Variants in CSNK2A2IP observed in about 807,000 individuals in gnomAD.
CSNK2A2IP encodes the protein casein kinase II subunit alpha'-interacting protein.
chr3:88,370,635 TTCTC>T, the CSNK2A2IP span, among the ~76,000 whole-genome samples: 2 of 147,770 alleles, frequency 1.4e-5, no homozygotes, highest in East Asian at 2.0e-4. Context: ...TTTCTTTCTT[TTCTC>T]TCTCTCTTCT....
At chr3:88,383,624 GC>G in the CSNK2A2IP span, among the ~76,000 whole-genome samples, 77 of 148,792 alleles carry the variant, frequency 5.2e-4, no homozygotes, top group Non-Finnish European at 9.1e-4. Context: ...ATTTTGAATA[GC>G]CTATGGACAC....
chr3:88,416,664 T>C, the CSNK2A2IP span, among the ~76,000 whole-genome samples: 4 of 152,172 alleles, frequency 2.6e-5, no homozygotes, highest in South Asian at 2.1e-4. Context: ...CATCCACTCA[T>C]TGTCAGAAGC....
the CSNK2A2IP span, among the ~76,000 whole-genome samples, chr3:88,429,570 C>G: frequency 1.1e-5 from 1 of 91,902 alleles, no homozygotes; most frequent in Non-Finnish European, 2.5e-5. Context: ...AGCTAAATAG[C>G]TGGCTCTCTG....
chr3:88,399,092 A>C, the CSNK2A2IP span, among the ~76,000 whole-genome samples: 1 of 152,206 alleles, frequency 6.6e-6, no homozygotes, highest in Non-Finnish European at 1.5e-5. Context: ...ACTTAATAGG[A>C]CATGAACATT....
the CSNK2A2IP span, among the ~76,000 whole-genome samples, chr3:88,385,723 GA>G: frequency 6.6e-6 from 1 of 152,192 alleles, no homozygotes; most frequent in Non-Finnish European, 1.5e-5. Flanking sequence ...GAGAGCCGTT[GA>G]AATCTGTGGC....
the CSNK2A2IP span, among the ~76,000 whole-genome samples, chr3:88,415,473 C>T: frequency 3.3e-5 from 5 of 151,748 alleles, no homozygotes; most frequent in Admixed American, 6.6e-5. Flanking sequence ...CTGATTTTGA[C>T]GTTCTTCATG....
At chr3:88,417,488 A>G in the CSNK2A2IP span, among the ~76,000 whole-genome samples, 1 of 152,150 alleles carries the variant, frequency 6.6e-6, no homozygotes, top group Non-Finnish European at 1.5e-5. Context: ...TGAATGTTTG[A>G]CACTCCCTTC....
the CSNK2A2IP span, among the ~76,000 whole-genome samples, chr3:88,437,177 A>G: frequency 6.6e-6 from 1 of 152,156 alleles, no homozygotes; most frequent in Non-Finnish European, 1.5e-5. Context: ...AGTTTTTCAC[A>G]CTTATGTACA....
the CSNK2A2IP span, among the ~76,000 whole-genome samples, chr3:88,459,062 G>C: frequency 3.3e-5 from 5 of 152,070 alleles, no homozygotes; most frequent in South Asian, 6.2e-4. Context: ...TAATGAAAAA[G>C]AGTTATTGCA....
chr3:88,391,670 G>C, the CSNK2A2IP span, among the ~76,000 whole-genome samples: 1 of 152,162 alleles, frequency 6.6e-6, no homozygotes, highest in Admixed American at 6.5e-5. Flanking sequence ...CCAAGAACCA[G>C]AGGCAAGAAA....
the CSNK2A2IP span, among the ~76,000 whole-genome samples, chr3:88,365,542 G>A: frequency 6.6e-6 from 1 of 152,252 alleles, no homozygotes; most frequent in African/African-American, 2.4e-5. Flanking sequence ...CTAATAAATG[G>A]ATGGATTCGC....
the CSNK2A2IP span, among the ~76,000 whole-genome samples, chr3:88,461,532 G>A: frequency 6.6e-6 from 1 of 152,118 alleles, no homozygotes; most frequent in Non-Finnish European, 1.5e-5. Flanking sequence ...CAGCCTGGGC[G>A]ACAGAGCGAG....
the CSNK2A2IP span, among the ~76,000 whole-genome samples, chr3:88,365,775 C>T: frequency 5.3e-5 from 8 of 152,010 alleles, no homozygotes; most frequent in Non-Finnish European, 1.0e-4. Flanking sequence ...GAGGAATGTA[C>T]GAGAATGAGT....
chr3:88,439,356 A>AAAC, the CSNK2A2IP span, among the ~76,000 whole-genome samples: 2,069 of 152,220 alleles, frequency 0.014, 40 homozygotes, highest in African/African-American at 0.048. Flanking sequence ...CAGTCTAATA[A>AAAC]AACAACAAAA....
the CSNK2A2IP span, among the ~76,000 whole-genome samples, chr3:88,388,282 G>A: frequency 1.3e-5 from 2 of 152,156 alleles, no homozygotes; most frequent in Non-Finnish European, 2.9e-5. Context: ...TTTAATACCT[G>A]TAAAAATATA....
the CSNK2A2IP span, among the ~76,000 whole-genome samples, chr3:88,339,003 T>C: frequency 6.6e-6 from 1 of 152,126 alleles, no homozygotes; most frequent in African/African-American, 2.4e-5. Flanking sequence ...ATGTGTAATG[T>C]TCAAACCAGG....
chr3:88,377,777 G>T, the CSNK2A2IP span, among the ~76,000 whole-genome samples: 1 of 151,860 alleles, frequency 6.6e-6, no homozygotes, highest in African/African-American at 2.4e-5. Flanking sequence ...CAGTTGGGCA[G>T]TGTTACATCT....
chr3:88,422,823 T>C, the CSNK2A2IP span, among the ~76,000 whole-genome samples: 7 of 152,354 alleles, frequency 4.6e-5, no homozygotes, highest in East Asian at 1.4e-3. Flanking sequence ...TACTTTTTTC[T>C]TATTATGTCT....
the CSNK2A2IP span, among the ~76,000 whole-genome samples, chr3:88,344,406 C>T: frequency 6.6e-6 from 1 of 151,758 alleles, no homozygotes; most frequent in African/African-American, 2.4e-5. Flanking sequence ...TTAGTAATAA[C>T]TACAGGTTCA....
Sources: gnomAD v4.1 joint callset for allele counts (sites outside exome capture counted in the v4.1 genomes callset) on GRCh38, gnomAD v4.1.1 for gene constraint, MANE v1.5 for transcripts, NCBI Gene and HGNC (gene_info 2026-07-23, HGNC 2026-07-21) for gene names.